ATP8B4: variants seen among roughly 807,000 people sequenced by gnomAD.
The protein encoded by ATP8B4 is probable phospholipid-transporting ATPase IM.
A neutral mutation model predicts 145.6 loss-of-function variants in ATP8B4; 133 were observed. The observed-to-expected ratio is 0.91, with a 90% CI of 0.79 to 1.05. ATP8B4 has a LOEUF of 1.05. Ranked by LOEUF, ATP8B4 falls within the 50% of genes least tolerant of loss-of-function variation. The pLI is 0.00. For synonymous variants in ATP8B4, 507 were observed against 492.9 expected (o/e 1.03, Z -0.38); for missense variants, 1,458 against 1,425.2 (o/e 1.02, Z -0.37).
chr15:50,010,027 T>C (rs903149477), intron 7 of ATP8B4, among the ~76,000 whole-genome samples: 3 of 152,194 alleles, frequency 2.0e-5, no homozygotes, highest in Non-Finnish European at 2.9e-5. Context: ...TGTTTAGGAC[T>C]CTTAACTGAG....
At chr15:49,866,257 C>T in intron 26 of ATP8B4, 89 bp downstream of exon 26, 2 of 1,481,448 alleles carry the variant, frequency 1.4e-6, no homozygotes, top group South Asian at 2.7e-5. Flanking sequence ...CACTAATCAT[C>T]CCCAGCTCTA....
chr15:50,044,669 C>T lies in ATP8B4; in HGVS notation c.225G>A (p.Leu75=). 1 of 1,612,896 alleles carries T rather than the reference C, an allele frequency of 6.2e-7. No individual in the cohort carries two copies. Residue 75 remains leucine (L), a synonymous_variant, in exon 5 of 28, where the codon TTG becomes TTA. Transcript: ENST00000284509. ...ILQLIPEISS[L]TWFTTIVPLV... is the part of the protein sequence containing the mutation. ...AAGGCACAATGGTGGTAAACCAGGT[C>T]AAGGAGGAAATTTCTGGAATTAGCT...
At chr15:50,009,434 GA>G (rs1237945419) in intron 7 of ATP8B4, 1 of 238,888 alleles carries the variant, frequency 4.2e-6, no homozygotes, top group Non-Finnish European at 8.4e-6. Flanking sequence ...CAGCTTAGAA[GA>G]GAATCACAGC....
chr15:50,093,696 T>C (rs923109051), intron 2 of ATP8B4, among the ~76,000 whole-genome samples: 1 of 152,154 alleles, frequency 6.6e-6, no homozygotes, highest in African/African-American at 2.4e-5. Context: ...CTAAATATTC[T>C]ACTTAAAAGC....
intron 12 of ATP8B4, among the ~76,000 whole-genome samples, chr15:49,973,936 G>A (rs1412997840): frequency 6.6e-6 from 1 of 151,920 alleles, no homozygotes; most frequent in Non-Finnish European, 1.5e-5. Flanking sequence ...TTTCTTCTTG[G>A]AACTATCTAA....
At chr15:50,135,099 T>C (rs1288124648) in intron 1 of ATP8B4, among the ~76,000 whole-genome samples, 1 of 152,220 alleles carries the variant, frequency 6.6e-6, no homozygotes, top group Non-Finnish European at 1.5e-5. Flanking sequence ...CAAAATCTAA[T>C]CTTAGAGGAA....
chr15:50,084,806 C>T (rs933368534), intron 2 of ATP8B4, among the ~76,000 whole-genome samples: 2 of 152,112 alleles, frequency 1.3e-5, no homozygotes, highest in East Asian at 1.9e-4. Context: ...CCTCTGCTTT[C>T]GTTGTCACAT....
chr15:50,141,549 T>C (rs942778928), intron 1 of ATP8B4, among the ~76,000 whole-genome samples: 1 of 152,128 alleles, frequency 6.6e-6, no homozygotes, highest in Non-Finnish European at 1.5e-5. Flanking sequence ...AAGAGACTGA[T>C]AAGGACAAAA....
chr15:50,104,710 A>T (rs1287906040), intron 2 of ATP8B4, among the ~76,000 whole-genome samples: 1 of 152,134 alleles, frequency 6.6e-6, no homozygotes, highest in Non-Finnish European at 1.5e-5. Flanking sequence ...TGACCCAGCA[A>T]TCCCACTCCT....
intron 1 of ATP8B4, among the ~76,000 whole-genome samples, chr15:50,180,648 C>T (rs572785523): frequency 6.6e-6 from 1 of 152,264 alleles, no homozygotes; most frequent in South Asian, 2.1e-4. Context: ...AGGGCTGGCT[C>T]TGAGCTTCAC....
At chr15:50,179,478 A>T (rs2044812557) in intron 1 of ATP8B4, among the ~76,000 whole-genome samples, 1 of 152,192 alleles carries the variant, frequency 6.6e-6, no homozygotes, top group Non-Finnish European at 1.5e-5. Context: ...AGCAATGGGG[A>T]ACCACTAAAG....
chr15:50,168,444 A>C (rs960739441), intron 1 of ATP8B4, among the ~76,000 whole-genome samples: 4 of 152,244 alleles, frequency 2.6e-5, no homozygotes, highest in African/African-American at 9.6e-5. Context: ...TTTGTGGAAG[A>C]GGTTTCCGAG....
intron 4 of ATP8B4, among the ~76,000 whole-genome samples, chr15:50,045,472 T>A (rs2051640994): frequency 6.6e-6 from 1 of 152,154 alleles, no homozygotes; most frequent in Admixed American, 6.5e-5. Flanking sequence ...TCAAATGGGA[T>A]TCATTTGAAA....
intron 3 of ATP8B4, among the ~76,000 whole-genome samples, chr15:50,055,677 G>A (rs1302944110): frequency 6.6e-6 from 1 of 152,088 alleles, no homozygotes; most frequent in East Asian, 1.9e-4. Flanking sequence ...TATTTTTATG[G>A]TACAATCCAG....
chr15:50,091,656 AGAG>A (rs1477829473), intron 2 of ATP8B4, among the ~76,000 whole-genome samples: 1 of 152,204 alleles, frequency 6.6e-6, no homozygotes, highest in Non-Finnish European at 1.5e-5. Context: ...TCATTCCAGC[AGAG>A]AAGACTAATT....
chr15:49,876,768 C>A (rs889946696), intron 24 of ATP8B4: 24 of 650,104 alleles, frequency 3.7e-5, no homozygotes, highest in South Asian at 3.5e-4. Context: ...TCACACAGCT[C>A]GTAAGTAGCA....
At chr15:50,035,791 C>T (rs2050789426) in intron 6 of ATP8B4, among the ~76,000 whole-genome samples, 1 of 152,294 alleles carries the variant, frequency 6.6e-6, no homozygotes, top group South Asian at 2.1e-4. Flanking sequence ...CCACTTTCTT[C>T]CCTTTAGGGT....
rs750852287 is a variant in ATP8B4 at position 49,931,181 on chromosome 15, A to G, written c.1580T>C (p.Val527Ala). The G allele has an allele frequency of 1.2e-6, 2 of 1,612,536 alleles. No homozygotes were observed. The highest frequency in any genetic ancestry group is 3.3e-5 in the Admixed American group (2 of 59,864). ...TITIEELGTL[V>A]TYQLLAFLDF... ...CAAAAAGGCAAGTAATTGATAAGTA[A>G]CTAGTGTTCCCAATTCTTCTATTGT... Residue 527 changes from valine (V) to alanine (A), a missense_variant, in exon 16 of 28, where the codon GTT becomes GCT. Physicochemically the swap from Val to Ala is moderately conservative, Grantham distance 64. Transcript: ENST00000284509.
rs373255236 is a variant in ATP8B4 at position 49,879,457 on chromosome 15, A to G, written c.2700T>C (p.Thr900=). ...GGGTGATGAACCACTGGTCATAAAC[A>G]GTCTGAAAAGAAATATAACATATAA... ...FGFFCGFSAQ[T]VYDQWFITLF... The change falls in exon 24 of 28, where the codon ACT becomes ACC. Residue 900 remains threonine (T), a splice_region_variant and synonymous_variant. Transcript: ENST00000284509. 1.9e-6 allele frequency: 3 copies of G among 1,600,240 alleles called. No homozygotes were observed. Among genetic ancestry groups the G allele is most frequent in the Admixed American group, 1.7e-5 (1 of 59,200 alleles).
Sources: allele counts gnomAD v4.1 joint callset (sites outside exome capture counted in the v4.1 genomes callset), GRCh38; gene constraint gnomAD v4.1.1; transcripts MANE v1.5; gene names NCBI Gene and HGNC (gene_info 2026-07-23, HGNC 2026-07-21).